Variants in F3 observed in about 807,000 individuals in gnomAD.
F3 encodes the protein coagulation factor III, tissue factor, also known as tissue factor.
Under a neutral mutation model 33.5 loss-of-function variants are expected in F3, and 18 were observed. The ratio of observed to expected loss-of-function variants is 0.54; its 90% CI spans 0.37 to 0.80. The LOEUF is 0.80. Among genes scored for constraint, F3 ranks in the 30% least tolerant of loss-of-function variants. The pLI is 0.00. For synonymous variants in F3, 147 were observed against 140.7 expected, an observed-to-expected ratio of 1.05 and a Z score of -0.32; for missense variants, 353 against 362.1, an observed-to-expected ratio of 0.97 and a Z score of 0.20.
In F3 at chr1:94,536,090, A is replaced by G. The variant is rs1313578051; in HGVS notation, c.287T>C (p.Val96Ala). The G allele has an allele frequency of 2.5e-6, 4 of 1,614,146 alleles. No individual in the cohort carries two copies. The South Asian group carries it at 4.4e-5, about 18-fold the overall frequency. ...DTECDLTDEI[V>A]KDVKQTYLAR... ...CAAGTACGTCTGCTTCACATCCTTCACAATCTCGTCGGTGAGGTCACACTC... is the reference window on the plus strand; with the variant it reads ...CAAGTACGTCTGCTTCACATCCTTCGCAATCTCGTCGGTGAGGTCACACTC... Residue 96 changes from valine to alanine, a missense_variant, in exon 3 of 6, where the codon GTG becomes GCG. Coordinates refer to ENST00000334047, the MANE Select transcript of F3 (RefSeq NM_001993.5).
chr1:94,536,887 T>A (rs1167847087), intron 2 of F3, among the ~76,000 whole-genome samples: 1 of 152,130 alleles, frequency 6.6e-6, no homozygotes, highest in African/African-American at 2.4e-5. Context: ...TGCCAGGTAT[T>A]CTGCTGGACC....
intron 3 of F3, among the ~76,000 whole-genome samples, chr1:94,533,897 C>T (rs979769741): frequency 3.3e-5 from 5 of 151,210 alleles, no homozygotes; most frequent in Admixed American, 1.3e-4. Flanking sequence ...GACAGAGTCT[C>T]GCTCTGTCAC....
chr1:94,534,024 G>A (rs1483878106), intron 3 of F3, among the ~76,000 whole-genome samples: 1 of 151,812 alleles, frequency 6.6e-6, no homozygotes, highest in Non-Finnish European at 1.5e-5. Context: ...CCACAACCAC[G>A]CCTGGCTAAT....
In F3 at chr1:94,530,120, A is replaced by AT. The variant is rs1225918420; in HGVS notation, c.*339dup. 1 of 158,568 alleles carries AT rather than the reference A, an allele frequency of 6.3e-6. No individual in the cohort carries two copies. The highest frequency in any genetic ancestry group is 2.5e-5 in the African/African-American group (1 of 39,762). 9.8% of individuals were successfully genotyped at this position (158,568 alleles called of 1,614,324 possible). A position where few individuals can be genotyped will look rare whatever the true frequency, so the allele number is the denominator to read the frequency against. On this transcript the variant is annotated 3_prime_UTR_variant, in exon 6 of 6. Coordinates refer to ENST00000334047, the MANE Select transcript of F3 (RefSeq NM_001993.5). ...AAAGCTTTTCAAAAGTCCACCCAGG[A>AT]TTTTTTAAGACATTTTCCCATTTGT...
Position 94,541,600 on chromosome 1 carries a change from C to T in F3, c.37G>A (p.Glu13Lys), listed in dbSNP as rs1221029856. 4.1e-6 allele frequency: 6 copies of T among 1,462,448 alleles called. No homozygotes were observed. Among genetic ancestry groups the T allele is most frequent in the Non-Finnish European group, 5.4e-6 (6 of 1,106,374 alleles). The allele number at this position is 1,462,448 out of a possible 1,614,324, so 90.6% of individuals were successfully genotyped here. Reference protein sequence around the residue: ...TPAWPRVPRPETAVARTLLLG... With the variant: ...TPAWPRVPRPKTAVARTLLLG... ...AGGAGCGTCCGAGCGACGGCGGTCT[C>T]GGGGCGCGGGACCCGGGGCCAGGCA... The change falls in exon 1 of 6, where the codon GAG (glutamate) becomes AAG (lysine). Residue 13 changes from glutamate to lysine, a missense_variant. Coordinates refer to ENST00000334047, the MANE Select transcript of F3 (RefSeq NM_001993.5).
chr1:94,535,586 C>T (rs572194524), intron 3 of F3, among the ~76,000 whole-genome samples: 53 of 152,064 alleles, frequency 3.5e-4, no homozygotes, highest in African/African-American at 1.1e-3. Flanking sequence ...AGTGTGATAA[C>T]GGGACAGAAA....
chr1:94,532,576 A>C (rs1185456001), intron 4 of F3, 96 bp from the exon 5 acceptor site: 2 of 1,348,006 alleles, frequency 1.5e-6, no homozygotes, highest in East Asian at 2.3e-5. Context: ...GGTTCTAAGC[A>C]AAGCCTACAA....
At position 94,529,248 on chromosome 1, in the gene F3, G is replaced by T. The variant is rs1265151458; in HGVS notation, c.*1212C>A. ...ACTGACAATTTTACAGTCATTTACT[G>T]TAGTAGAGCTAATACAAACACCAAA... On this transcript the variant is annotated 3_prime_UTR_variant, in exon 6 of 6. Coordinates refer to ENST00000334047, the MANE Select transcript of F3 (RefSeq NM_001993.5). 2 of 152,610 alleles carry T rather than the reference G, an allele frequency of 1.3e-5. No homozygotes were observed. Among genetic ancestry groups the T allele is most frequent in the South Asian group, 2.1e-4 (1 of 4,828 alleles). 9.5% of individuals were successfully genotyped at this position (152,610 alleles called of 1,614,324 possible).
intron 5 of F3, among the ~76,000 whole-genome samples, chr1:94,531,900 A>G (rs1192530058): frequency 6.6e-6 from 1 of 152,188 alleles, no homozygotes; most frequent in African/African-American, 2.4e-5. Flanking sequence ...AACAGCCCAC[A>G]GTGGGTACTC....
At chr1:94,532,521 T>G in intron 4 of F3, 41 bp from the exon 5 acceptor site, 2 of 1,603,036 alleles carry the variant, frequency 1.2e-6, no homozygotes, top group Non-Finnish European at 1.7e-6. Flanking sequence ...GGGCTCTGAG[T>G]CAATTCTTTC....
chr1:94,531,209 A>G (rs760532822), intron 5 of F3, among the ~76,000 whole-genome samples: 13 of 152,202 alleles, frequency 8.5e-5, no homozygotes, highest in Non-Finnish European at 1.8e-4. Context: ...GTCAGTGGCA[A>G]TAAACAGGAG....
chr1:94,538,320 A>T (rs1017063185), intron 2 of F3, among the ~76,000 whole-genome samples: 1 of 152,246 alleles, frequency 6.6e-6, no homozygotes, highest in African/African-American at 2.4e-5. Context: ...TAAGCCAATA[A>T]CATTTCCCAA....
At chr1:94,537,915 A>G (rs970398964) in intron 2 of F3, among the ~76,000 whole-genome samples, 1 of 152,210 alleles carries the variant, frequency 6.6e-6, no homozygotes, top group Non-Finnish European at 1.5e-5. Context: ...AGTTGTTCAG[A>G]TAACAGGAGA....
intron 1 of F3, 135 bp from the exon 2 acceptor site, chr1:94,540,503 T>C: frequency 1.8e-6 from 1 of 562,024 alleles, no homozygotes; most frequent in East Asian, 3.1e-5. Context: ...GCTTCATTAG[T>C]GAATTATCAA....
intron 2 of F3, among the ~76,000 whole-genome samples, chr1:94,537,145 C>A (rs941280131): frequency 1.3e-5 from 2 of 152,068 alleles, no homozygotes; most frequent in Admixed American, 6.6e-5. Context: ...AAGTCTGAGA[C>A]TAAAAAGCTA....
rs558602649 is a variant in F3, at chr1:94,536,196, T to C, written c.213-32A>G. 29 of 1,603,348 alleles carry C rather than the reference T, an allele frequency of 1.8e-5. No homozygotes were observed. In the South Asian group the frequency reaches 2.9e-4, roughly 16 times the overall value. On this transcript the variant is annotated intron_variant, in intron 2 of 5. Transcript: ENST00000334047. ...AAAGAAAAGAAGGAAGAAACATAAA[T>C]GGAATGTTACAATTTGCACCCAACA...
rs774296037 is a variant in F3, at chr1:94,541,564, C to A, written c.73G>T (p.Val25Phe). ...GAAGCGCCGGCCACCTGGGCGAAGA[C>A]CCAGCCGAGCAGGAGCGTCCGAGCG... ...AVARTLLLGW[V>F]FAQVAGASGT... The change falls in exon 1 of 6, where the codon GTC (valine) becomes TTC (phenylalanine). Residue 25 changes from valine to phenylalanine, a missense_variant. Val to Phe is a conservative substitution (Grantham distance 50). Coordinates refer to ENST00000334047, the MANE Select transcript of F3 (RefSeq NM_001993.5). 4.0e-6 allele frequency: 6 copies of A among 1,505,004 alleles called. No individual in the cohort carries two copies. In the Admixed American group the frequency reaches 6.5e-5, roughly 16 times the overall value. The allele number at this position is 1,505,004 out of a possible 1,614,324, so 93.2% of individuals were successfully genotyped here.
intron 1 of F3, 168 bp from the exon 2 acceptor site, chr1:94,540,536 T>C: frequency 1.9e-6 from 1 of 539,772 alleles, no homozygotes; most frequent in Non-Finnish European, 3.2e-6. Flanking sequence ...CTTCAAATTT[T>C]TTCTAGACCT....
intron 1 of F3, among the ~76,000 whole-genome samples, chr1:94,541,279 A>C (rs1187038076): frequency 6.6e-6 from 1 of 152,074 alleles, no homozygotes; most frequent in African/African-American, 2.4e-5. Flanking sequence ...CAGTCCAATT[A>C]CTCGGACACC....
Sources: allele counts gnomAD v4.1 joint callset (sites outside exome capture counted in the v4.1 genomes callset), GRCh38; gene constraint gnomAD v4.1.1; transcripts MANE v1.5; gene names NCBI Gene and HGNC (gene_info 2026-07-23, HGNC 2026-07-21).